The following P3H2 variants were observed in gnomAD, a reference collection of about 807,000 sequenced individuals.
P3H2 encodes prolyl 3-hydroxylase 2.
A neutral mutation model predicts 87.0 loss-of-function variants in P3H2; 80 were observed. The observed-to-expected ratio is 0.92, with a 90% CI of 0.77 to 1.11. P3H2 has a LOEUF of 1.11. P3H2 is among the 50% of genes least tolerant of loss of function. The pLI, the probability that P3H2 is intolerant of heterozygous loss-of-function variation, is 0.00. For missense variants in P3H2, 1,001 were observed against 923.9 expected (o/e 1.08, Z -1.08); for synonymous variants, 367 against 359.3 (o/e 1.02, Z -0.24).
chr3:190,037,488 C>G (rs189473221), intron 1 of P3H2, among the ~76,000 whole-genome samples: 3 of 152,024 alleles, frequency 2.0e-5, no homozygotes, highest in Non-Finnish European at 4.4e-5. Context: ...AATAAGATAC[C>G]GTGGCTCAGA....
chr3:190,078,641 TCA>T (rs1726947425), intron 1 of P3H2, among the ~76,000 whole-genome samples: 1 of 152,188 alleles, frequency 6.6e-6, no homozygotes, highest in South Asian at 2.1e-4. Flanking sequence ...GCATATATAT[TCA>T]CAAACTGGAA....
chr3:189,976,971 C>G (rs577533942), intron 8 of P3H2, among the ~76,000 whole-genome samples: 3 of 152,120 alleles, frequency 2.0e-5, no homozygotes, highest in South Asian at 2.1e-4. Context: ...GATAAGAGGA[C>G]GTCTCAGAAC....
At chr3:190,017,821 A>C (rs561695446) in intron 1 of P3H2, among the ~76,000 whole-genome samples, 1 of 152,248 alleles carries the variant, frequency 6.6e-6, no homozygotes, top group African/African-American at 2.4e-5. Flanking sequence ...ATTAAAGCCA[A>C]ATTACTCAGG....
At chr3:189,961,299 T>C (rs1722803688) in intron 14 of P3H2, among the ~76,000 whole-genome samples, 1 of 152,188 alleles carries the variant, frequency 6.6e-6, no homozygotes, top group African/African-American at 2.4e-5. Flanking sequence ...TCACATCTGT[T>C]GACCACAAGA....
chr3:190,029,946 G>A (rs1366970506), intron 1 of P3H2, among the ~76,000 whole-genome samples: 1 of 150,866 alleles, frequency 6.6e-6, no homozygotes, highest in African/African-American at 2.4e-5. Flanking sequence ...AGGTTGCAGT[G>A]AGCCAAGGTC....
At chr3:190,117,271 AT>A (rs1368460147) in intron 1 of P3H2, among the ~76,000 whole-genome samples, 3 of 152,078 alleles carry the variant, frequency 2.0e-5, no homozygotes, top group African/African-American at 7.2e-5. Flanking sequence ...AGATTTCATG[AT>A]TTTTCATCCT....
chr3:189,981,744 C>T (rs1250985931), intron 8 of P3H2, among the ~76,000 whole-genome samples: 2 of 152,152 alleles, frequency 1.3e-5, no homozygotes, highest in Non-Finnish European at 2.9e-5. Context: ...TGGAGTTTCC[C>T]AAACATTTAC....
chr3:189,959,860 A>ATGTG (rs75204350), intron 14 of P3H2, among the ~76,000 whole-genome samples: 2,677 of 134,442 alleles, frequency 0.02, 29 homozygotes, highest in South Asian at 0.032. Flanking sequence ...TGGAGGAGAT[A>ATGTG]TGTGTGTGTG....
intron 14 of P3H2, chr3:189,963,651 T>C (rs1046455585): frequency 3.3e-5 from 11 of 329,918 alleles, no homozygotes; most frequent in African/African-American, 1.9e-4. Context: ...AGCATGTTGA[T>C]CAGGCTGGTC....
At chr3:189,995,131 C>A (rs1292684707) in intron 2 of P3H2, among the ~76,000 whole-genome samples, 159 bp downstream of exon 2, 1 of 151,336 alleles carries the variant, frequency 6.6e-6, no homozygotes, top group Non-Finnish European at 1.5e-5. Flanking sequence ...TTTTTCAGAC[C>A]TGATCATTAT....
chr3:190,023,921 A>G (rs1372216798), intron 1 of P3H2, among the ~76,000 whole-genome samples: 1 of 152,208 alleles, frequency 6.6e-6, no homozygotes, highest in African/African-American at 2.4e-5. Flanking sequence ...TACCAATACC[A>G]CTTATTTTTA....
At chr3:189,983,701 T>C (rs775751267) in intron 7 of P3H2, among the ~76,000 whole-genome samples, 2 of 152,348 alleles carry the variant, frequency 1.3e-5, no homozygotes, top group Non-Finnish European at 2.9e-5. Context: ...GGTTGAGTTT[T>C]TGAAGCCTCG....
intron 8 of P3H2, among the ~76,000 whole-genome samples, chr3:189,980,118 C>G (rs546178242): frequency 2.0e-5 from 3 of 152,144 alleles, no homozygotes; most frequent in African/African-American, 7.2e-5. Context: ...CATCTTAATG[C>G]TTAGGAGCTG....
intron 1 of P3H2, among the ~76,000 whole-genome samples, chr3:190,014,182 C>T (rs1013430938): frequency 3.3e-5 from 5 of 152,066 alleles, no homozygotes; most frequent in African/African-American, 1.2e-4. Flanking sequence ...AGGGCTCAGC[C>T]CAGGCTTGTT....
At chr3:190,092,097 G>C (rs1414850483) in intron 1 of P3H2, among the ~76,000 whole-genome samples, 2 of 152,100 alleles carry the variant, frequency 1.3e-5, no homozygotes, top group Non-Finnish European at 2.9e-5. Context: ...CCCGGACATG[G>C]TGGTGGACAC....
chr3:189,982,359 C>G (rs1021981437), intron 8 of P3H2, among the ~76,000 whole-genome samples: 2 of 152,158 alleles, frequency 1.3e-5, no homozygotes, highest in Non-Finnish European at 2.9e-5. Flanking sequence ...GAATTAACCA[C>G]TGCTGTTAGT....
chr3:190,030,427 G>A (rs2594180), intron 1 of P3H2, among the ~76,000 whole-genome samples: 120,554 of 152,138 alleles, frequency 0.79, 47,827 homozygotes, highest in East Asian at 0.86. Flanking sequence ...AAAATTAGCT[G>A]GGCGTGATGG....
At chr3:189,970,177 CATATATATATGCAAATATATAT>C (rs1461028610) in intron 13 of P3H2, among the ~76,000 whole-genome samples, 1 of 48,280 alleles carries the variant, frequency 2.1e-5, no homozygotes, top group African/African-American at 8.5e-5. Flanking sequence ...TCTCTCTATG[CATATATATATGCAAATATATAT>C]ATATATATAT....
At chr3:190,000,379 C>T (rs1577264269) in intron 1 of P3H2, among the ~76,000 whole-genome samples, 1 of 152,204 alleles carries the variant, frequency 6.6e-6, no homozygotes, top group Non-Finnish European at 1.5e-5. Context: ...AGACACTAAA[C>T]AGAATACCTA....
Sources: gnomAD v4.1 joint callset for allele counts (sites outside exome capture counted in the v4.1 genomes callset) on GRCh38, gnomAD v4.1.1 for gene constraint, MANE v1.5 for transcripts, NCBI Gene and HGNC (gene_info 2026-07-23, HGNC 2026-07-21) for gene names.